TET2: variants seen among roughly 807,000 people sequenced by gnomAD.
The protein encoded by TET2 is tet methylcytosine dioxygenase 2, also known as methylcytosine dioxygenase TET2.
A neutral mutation model predicts 142.9 loss-of-function variants in TET2; 299 were observed. That is an observed-to-expected ratio of 2.09 (90% CI 1.90 to 2.30). TET2 has a LOEUF of 2.30. Ranked by LOEUF, TET2 falls within the 30% of genes most tolerant of loss-of-function variation. The probability of loss-of-function intolerance (pLI) is 0.00; values close to 1 mark genes in which losing one functional copy is unlikely to be tolerated. For synonymous variants in TET2, 819 were observed against 849.0 expected (o/e 0.96, Z 0.61); for missense variants, 2,418 against 2,378.0 (o/e 1.02, Z -0.35).
intron 1 of TET2, among the ~76,000 whole-genome samples, chr4:105,174,437 G>T (rs188744408): frequency 1.4e-4 from 22 of 152,258 alleles, no homozygotes; most frequent in Non-Finnish European, 2.8e-4. Flanking sequence ...AAAGCTGAAT[G>T]AATTGGAAAA....
chr4:105,220,600 A>G (rs1004895639), intron 2 of TET2, among the ~76,000 whole-genome samples: 3 of 152,080 alleles, frequency 2.0e-5, no homozygotes, highest in Non-Finnish European at 2.9e-5. Flanking sequence ...GAAGGATGAA[A>G]AGGAGCTCAG....
rs1578668513 is a variant in TET2 at position 105,233,978 on chromosome 4, C to T, written c.36C>T (p.Asn12=). 6.2e-7 allele frequency: 1 copy of T among 1,614,016 alleles called. No individual in the cohort carries two copies. The highest frequency in any genetic ancestry group is 8.5e-7 in the Non-Finnish European group (1 of 1,180,008). The change falls in exon 3 of 11, where the codon AAC becomes AAT. Residue 12 remains asparagine (N), a synonymous_variant. Coordinates refer to ENST00000380013, the MANE Select transcript of TET2 (RefSeq NM_001127208.3). ...EQDRTNHVEG[N]RLSPFLIPSP... ...ATAGAACCAACCATGTTGAGGGCAA[C>T]AGACTAAGTCCATTCCTGATACCAT...
chr4:105,165,368 T>C (rs751191895), intron 1 of TET2, among the ~76,000 whole-genome samples: 4 of 152,226 alleles, frequency 2.6e-5, no homozygotes, highest in Middle Eastern at 3.4e-3. Context: ...AGAGGGAGAC[T>C]TCGTCTCCCA....
At position 105,190,381 on chromosome 4, in the gene TET2, C is replaced by A; in HGVS notation, c.-171C>A. On this transcript the variant is annotated 5_prime_UTR_variant, in exon 2 of 11. Coordinates refer to ENST00000380013, the MANE Select transcript of TET2 (RefSeq NM_001127208.3). ...CTAGGCTGGCAAACATTCAGCAGCACACCCTCTCAAGATTGTTTACTTGCC... is the reference window on the plus strand; with the variant it reads ...CTAGGCTGGCAAACATTCAGCAGCAAACCCTCTCAAGATTGTTTACTTGCC... 1.5e-6 allele frequency: 1 copy of A among 680,504 alleles called. No individual in the cohort carries two copies. Among genetic ancestry groups the A allele is most frequent in the Non-Finnish European group, 2.7e-6 (1 of 376,856 alleles). 42.2% of individuals were successfully genotyped at this position (680,504 alleles called of 1,614,324 possible). A position where few individuals can be genotyped will look rare whatever the true frequency, so the allele number is the denominator to read the frequency against.
At chr4:105,199,110 C>T (rs1271025391) in intron 2 of TET2, among the ~76,000 whole-genome samples, 1 of 152,238 alleles carries the variant, frequency 6.6e-6, no homozygotes, top group East Asian at 1.9e-4. Flanking sequence ...GCAAGTTGAG[C>T]AAGAATCTGT....
chr4:105,217,208 A>G (rs1282348968), intron 2 of TET2, among the ~76,000 whole-genome samples: 1 of 152,074 alleles, frequency 6.6e-6, no homozygotes, highest in Admixed American at 6.6e-5. Context: ...GTGAAAAAAA[A>G]AAGTTATGAT....
chr4:105,204,704 A>G (rs993764223), intron 2 of TET2, among the ~76,000 whole-genome samples: 6 of 152,206 alleles, frequency 3.9e-5, no homozygotes, highest in African/African-American at 1.2e-4. Flanking sequence ...TTAGCAGTAT[A>G]TATTTCCCTG....
intron 1 of TET2, among the ~76,000 whole-genome samples, chr4:105,161,486 G>C (rs1211636195): frequency 6.6e-6 from 1 of 152,148 alleles, no homozygotes. Context: ...AAAAGCTTGG[G>C]TGAAATTACT....
intron 2 of TET2, among the ~76,000 whole-genome samples, chr4:105,213,276 T>C (rs900670714): frequency 1.3e-5 from 2 of 152,324 alleles, no homozygotes; most frequent in South Asian, 2.1e-4. Flanking sequence ...TATAGTTCTT[T>C]TGTTATTCTA....
rs754721324 is a variant in TET2, at chr4:105,234,973, C to G, written c.1031C>G (p.Thr344Arg). The G allele has an allele frequency of 1.2e-6, 2 of 1,613,940 alleles. No homozygotes were observed. Among genetic ancestry groups the G allele is most frequent in the Non-Finnish European group, 1.7e-6 (2 of 1,179,920 alleles). ...GCAGAAAATAACATCCAGGGAACCA[C>G]AAAGCTAGCGTCTGGTGAAGAATTC... ...SPAENNIQGTTKLASGEEFCS... is the reference protein window; with the variant it reads ...SPAENNIQGTRKLASGEEFCS... Residue 344 changes from threonine to arginine, a missense_variant, in exon 3 of 11, where the codon ACA (threonine) becomes AGA (arginine). Physicochemically the swap from Thr to Arg is moderately conservative, Grantham distance 71 (BLOSUM62 -1). Transcript: ENST00000380013.
intron 6 of TET2, among the ~76,000 whole-genome samples, chr4:105,252,549 G>C (rs965576357): frequency 6.6e-6 from 1 of 152,168 alleles, no homozygotes; most frequent in Non-Finnish European, 1.5e-5. Flanking sequence ...ACAGTAGCTT[G>C]ATTGACAGTA....
chr4:105,175,840 A>G (rs1724760096), intron 1 of TET2, among the ~76,000 whole-genome samples: 1 of 152,164 alleles, frequency 6.6e-6, no homozygotes, highest in Non-Finnish European at 1.5e-5. Flanking sequence ...AAACACCTAT[A>G]GAGGAGCAAA....
rs1351165107 is a variant in TET2 at position 105,236,868 on chromosome 4, C to CA, written c.2927dup (p.Met977AspfsTer6). The CA allele has an allele frequency of 6.2e-7, 1 of 1,613,990 alleles. No homozygotes were observed. Among genetic ancestry groups the CA allele is most frequent in the Non-Finnish European group, 8.5e-7 (1 of 1,180,010 alleles). Reference sequence around the variant, plus strand: ...ACCCCAAACTGAGTCTTGCCATAGTCAGATGCACAGGCCAATTAAGGTGGA... The same window carrying CA: ...ACCCCAAACTGAGTCTTGCCATAGTCAAGATGCACAGGCCAATTAAGGTGGA... On this transcript the variant is annotated frameshift_variant, in exon 3 of 11. Coordinates refer to ENST00000380013, the MANE Select transcript of TET2 (RefSeq NM_001127208.3). LOFTEE classifies it high-confidence loss of function.
At chr4:105,252,190 C>T (rs2110271661) in intron 6 of TET2, among the ~76,000 whole-genome samples, 1 of 152,280 alleles carries the variant, frequency 6.6e-6, no homozygotes, top group Non-Finnish European at 1.5e-5. Context: ...ATTTTTCTCT[C>T]CTACCCCACT....
Position 105,275,142 on chromosome 4 carries a change from C to CCAG in TET2, c.4643_4645dup (p.Gln1548dup), listed in dbSNP as rs1157627125. On this transcript the variant is annotated inframe_insertion, in exon 11 of 11. Transcript: ENST00000380013. ...CACAGCCCCAGCAGCAGCAGAGACCCCAGCAGCAGCAGCCACATCACCCTC... is the reference window on the plus strand; with the variant it reads ...CACAGCCCCAGCAGCAGCAGAGACCCCAGCAGCAGCAGCAGCCACATCACCCTC... The CCAG allele has an allele frequency of 1.3e-6, 2 of 1,551,630 alleles. No homozygotes were observed. Among genetic ancestry groups the CCAG allele is most frequent in the East Asian group, 2.4e-5 (1 of 40,932 alleles).
intron 2 of TET2, among the ~76,000 whole-genome samples, chr4:105,218,288 C>T (rs968349179): frequency 6.6e-6 from 1 of 151,872 alleles, no homozygotes; most frequent in Non-Finnish European, 1.5e-5. Flanking sequence ...GTTTCTTTTC[C>T]AAGGACAGTA....
rs765094615 is a variant in TET2 at position 105,235,392 on chromosome 4, T to C, written c.1450T>C (p.Cys484Arg). The C allele has an allele frequency of 3.7e-6, 6 of 1,614,182 alleles. No homozygotes were observed. The Admixed American group carries it at 1.0e-4, about 27-fold the overall frequency. Residue 484 changes from cysteine (C) to arginine (R), a missense_variant, in exon 3 of 11, where the codon TGT (cysteine) becomes CGT (arginine). Transcript: ENST00000380013. ...GCTTTCTGAAAGGCCTCAGAATAAT[T>C]GTGTGAACAGGAATGACATACAGAC... ...PMLSERPQNNCVNRNDIQTAG... is the reference protein window; with the variant it reads ...PMLSERPQNNRVNRNDIQTAG...
At chr4:105,243,846 A>G in intron 6 of TET2, 68 bp downstream of exon 6, 1 of 1,409,604 alleles carries the variant, frequency 7.1e-7, no homozygotes, top group Non-Finnish European at 9.8e-7. Flanking sequence ...TTTGGTTGAA[A>G]GGAAGAGAGT....
chr4:105,247,714 C>CTTTTTTTTTTTTTTTTTTTTTTTTTT (rs1206510081), intron 6 of TET2, among the ~76,000 whole-genome samples: 1 of 65,316 alleles, frequency 1.5e-5, no homozygotes. Flanking sequence ...TTTTTCTTTT[C>CTTTTTTTTTTTTTTTTTTTTTTTTTT]TTTTTTTTTT....
Sources: gnomAD v4.1 joint callset for allele counts (sites outside exome capture counted in the v4.1 genomes callset) on GRCh38, gnomAD v4.1.1 for gene constraint, MANE v1.5 for transcripts, NCBI Gene and HGNC (gene_info 2026-07-23, HGNC 2026-07-21) for gene names.